The following ETV1 variants were observed in gnomAD, a reference collection of about 807,000 sequenced individuals.
ETV1 encodes ETS variant transcription factor 1, also known as ETS translocation variant 1.
Under a neutral mutation model 62.3 loss-of-function variants are expected in ETV1, and 27 were observed. The ratio of observed to expected loss-of-function variants is 0.43; its 90% CI spans 0.32 to 0.60. The LOEUF (loss-of-function observed/expected upper bound fraction) is 0.60, where lower values mean the gene tolerates loss of function less well. Ranked by LOEUF, ETV1 falls within the 20% of genes least tolerant of loss-of-function variation. The pLI is 0.06. For synonymous variants in ETV1, 222 were observed against 199.6 expected, an observed-to-expected ratio of 1.11 and a Z score of -0.94; for missense variants, 605 against 605.8, an observed-to-expected ratio of 1.00 and a Z score of 0.01.
At chr7:13,899,133 C>T (rs1240455518) in intron 13 of ETV1, among the ~76,000 whole-genome samples, 2 of 152,068 alleles carry the variant, frequency 1.3e-5, no homozygotes, top group African/African-American at 2.4e-5. Flanking sequence ...CAATACTGCC[C>T]GGGGACACTG....
At chr7:13,947,498 A>T (rs1788315136) in intron 6 of ETV1, among the ~76,000 whole-genome samples, 1 of 152,168 alleles carries the variant, frequency 6.6e-6, no homozygotes, top group Admixed American at 6.5e-5. Context: ...GAACATATAT[A>T]ATAATTCCCA....
chr7:13,928,546 G>A (rs1319637050), intron 9 of ETV1, among the ~76,000 whole-genome samples: 1 of 152,130 alleles, frequency 6.6e-6, no homozygotes, highest in Non-Finnish European at 1.5e-5. Context: ...CCTGGCAGAC[G>A]GAGGTTGCGG....
intron 6 of ETV1, among the ~76,000 whole-genome samples, chr7:13,971,421 C>T (rs1421467780): frequency 2.0e-5 from 3 of 152,168 alleles, no homozygotes; most frequent in African/African-American, 7.2e-5. Context: ...TTTGTATGGT[C>T]CTCTAGTATT....
chr7:13,947,710 T>G (rs1410362298), intron 6 of ETV1, among the ~76,000 whole-genome samples: 1 of 152,232 alleles, frequency 6.6e-6, no homozygotes, highest in African/African-American at 2.4e-5. Flanking sequence ...CACTATCACA[T>G]TATATGAGAT....
At chr7:13,986,720 T>A in intron 4 of ETV1, 35 bp from the exon 5 acceptor site, 1 of 1,502,378 alleles carries the variant, frequency 6.7e-7, no homozygotes, top group Non-Finnish European at 9.2e-7. Context: ...ACATAAGATT[T>A]GCAAATCTTT....
intron 9 of ETV1, among the ~76,000 whole-genome samples, chr7:13,914,671 T>A (rs1209772822): frequency 1.3e-5 from 2 of 152,046 alleles, no homozygotes. Flanking sequence ...ATTTGCATTT[T>A]CAAGCTATGC....
intron 6 of ETV1, among the ~76,000 whole-genome samples, chr7:13,962,678 C>A (rs1029546384): frequency 2.6e-5 from 4 of 152,020 alleles, no homozygotes; most frequent in Non-Finnish European, 5.9e-5. Context: ...ATACATAGAA[C>A]TTAACCACAT....
intron 9 of ETV1, among the ~76,000 whole-genome samples, chr7:13,930,277 A>C (rs1411026938): frequency 6.6e-6 from 1 of 152,212 alleles, no homozygotes; most frequent in Non-Finnish European, 1.5e-5. Flanking sequence ...AATTCTTTTA[A>C]AGTCTCAAGG....
intron 5 of ETV1, among the ~76,000 whole-genome samples, chr7:13,984,499 CAAG>C (rs1272043691): frequency 2.0e-5 from 3 of 151,826 alleles, no homozygotes; most frequent in African/African-American, 7.3e-5. Context: ...AGTCTAGAAA[CAAG>C]AAGTTAAAAA....
At chr7:13,970,272 ACACACACACACACACACACAC>A (rs1780755466) in intron 6 of ETV1, among the ~76,000 whole-genome samples, 1 of 15,586 alleles carries the variant, frequency 6.4e-5, no homozygotes, top group African/African-American at 2.1e-4. Context: ...AAACACACAC[ACACACACACACACACACACAC>A]ACACACACAC....
chr7:13,912,296 T>A (rs1291053340), intron 9 of ETV1, among the ~76,000 whole-genome samples: 1 of 152,200 alleles, frequency 6.6e-6, no homozygotes, highest in East Asian at 1.9e-4. Flanking sequence ...CTATTTAATG[T>A]CAAAGAACAC....
At chr7:13,921,401 C>T (rs762324142) in intron 9 of ETV1, among the ~76,000 whole-genome samples, 13 of 152,114 alleles carry the variant, frequency 8.5e-5, no homozygotes, top group Non-Finnish European at 1.9e-4. Flanking sequence ...AAGAGTCAAT[C>T]CTATCCTGAA....
At position 13,935,614 on chromosome 7, in the gene ETV1, C is replaced by T. The variant is rs371593046; in HGVS notation, c.554+94G>A. Reference sequence around the variant, plus strand: ...CAGATGTGCAAAATTAATAGGCTCACCTTAAATCTACTCTAGGCCTTCAGA... The same window carrying T: ...CAGATGTGCAAAATTAATAGGCTCATCTTAAATCTACTCTAGGCCTTCAGA... On this transcript the variant is annotated intron_variant, in intron 8 of 13. Transcript: ENST00000430479. The T allele has an allele frequency of 3.5e-5, 36 of 1,043,252 alleles. No homozygotes were observed. The East Asian group carries it at 5.5e-4, about 16-fold the overall frequency. 64.6% of individuals were successfully genotyped at this position (1,043,252 alleles called of 1,614,324 possible).
At chr7:13,928,851 G>C (rs1057096475) in intron 9 of ETV1, among the ~76,000 whole-genome samples, 7 of 151,924 alleles carry the variant, frequency 4.6e-5, no homozygotes, top group African/African-American at 1.7e-4. Flanking sequence ...CCAGTTACTC[G>C]GGAGGCTGAG....
intron 9 of ETV1, among the ~76,000 whole-genome samples, chr7:13,914,203 C>T (rs2128424181): frequency 6.6e-6 from 1 of 152,120 alleles, no homozygotes; most frequent in Non-Finnish European, 1.5e-5. Flanking sequence ...CTCTTTTGAG[C>T]TTCTTTTTAC....
At chr7:13,920,602 C>T (rs184227846) in intron 9 of ETV1, among the ~76,000 whole-genome samples, 1 of 152,278 alleles carries the variant, frequency 6.6e-6, no homozygotes, top group African/African-American at 2.4e-5. Context: ...TGGTTTAAGA[C>T]AGCCTTCAGC....
chr7:13,910,193 T>G (rs1325677655), intron 10 of ETV1, among the ~76,000 whole-genome samples: 1 of 148,066 alleles, frequency 6.8e-6, no homozygotes, highest in African/African-American at 2.5e-5. Flanking sequence ...CTTCCTGTAC[T>G]CAATTAGCAA....
At chr7:13,923,977 G>T (rs1432232064) in intron 9 of ETV1, among the ~76,000 whole-genome samples, 2 of 152,012 alleles carry the variant, frequency 1.3e-5, no homozygotes, top group African/African-American at 4.8e-5. Context: ...GGAGGTTGTG[G>T]TGAGCTGAGA....
chr7:13,896,144 C>G, intron 13 of ETV1, 57 bp from the exon 14 acceptor site: 1 of 1,477,916 alleles, frequency 6.8e-7, no homozygotes, highest in Non-Finnish European at 9.3e-7. Context: ...TGGGGAAGGA[C>G]AGGAAGGAAA....
Sources: allele counts gnomAD v4.1 joint callset (sites outside exome capture counted in the v4.1 genomes callset), GRCh38; gene constraint gnomAD v4.1.1; transcripts MANE v1.5; gene names NCBI Gene and HGNC (gene_info 2026-07-23, HGNC 2026-07-21).